SH3D21: variants seen among roughly 807,000 people sequenced by gnomAD.
SH3D21 encodes SH3 domain-containing protein 21.
In SH3D21, 83 loss-of-function variants were observed where a neutral mutation model predicts 82.1. The ratio of observed to expected loss-of-function variants is 1.01; its 90% CI spans 0.85 to 1.21. The LOEUF (loss-of-function observed/expected upper bound fraction) is 1.21. SH3D21 is among the 50% of genes most tolerant of loss of function. SH3D21 has a pLI of 0.00. For synonymous variants in SH3D21, 383 were observed against 387.8 expected (o/e 0.99, Z 0.15); for missense variants, 980 against 962.1 (o/e 1.02, Z -0.25).
Position 36,319,861 on chromosome 1 carries a change from G to C in SH3D21, c.1198G>C (p.Gly400Arg). 6.2e-7 allele frequency: 1 copy of C among 1,613,888 alleles called. No individual in the cohort carries two copies. The highest frequency in any genetic ancestry group is 8.5e-7 in the Non-Finnish European group (1 of 1,179,940). ...TCTAGGGGACAAGGCCTCTATCCCA[G>C]GGAACTCCACCTCGGGGAAGATCCC... ...LTLGDKASIPGNSTSGKIPAP... is the reference protein window; with the variant it reads ...LTLGDKASIPRNSTSGKIPAP... The change falls in exon 14 of 16, where the codon GGG becomes CGG. Residue 400 changes from glycine (G) to arginine (R), a missense_variant. Physicochemically the swap from Gly to Arg is moderately radical, Grantham distance 125. Transcript: ENST00000453908.
downstream of SH3D21, chr1:36,322,410 CGCTCCTCCAGCCGCTGCGCCCGCTCCA>C: frequency 6.2e-7 from 1 of 1,600,864 alleles, no homozygotes; most frequent in African/African-American, 1.3e-5. Flanking sequence ...GATCCGTTCG[CGCTCCTCCAGCCGCTGCGCCCGCTCCA>C]GCTCCTCCGC....
At position 36,307,349 on chromosome 1, in the gene SH3D21, G is replaced by A; in HGVS notation, c.345+64G>A. The stretch of plus-strand genomic sequence containing the variant: ...ATGGAACGCGCCTCCCTAGTGAGCG[G>A]GGTGGGAAGTGAGGGTGTGGACGGT... On this transcript the variant is annotated intron_variant, in intron 4 of 15. Transcript: ENST00000453908. The surrounding 1 kb of genome is among the most constrained non-coding windows in gnomAD (Gnocchi z 5.4). The A allele has an allele frequency of 2.6e-6, 4 of 1,542,850 alleles. No individual in the cohort carries two copies. Among genetic ancestry groups the A allele is most frequent in the Non-Finnish European group, 3.5e-6 (4 of 1,139,982 alleles).
chr1:36,319,553 ATGGGAGAG>A lies in SH3D21; in HGVS notation c.1011+22_1011+29del. On this transcript the variant is annotated intron_variant, in intron 13 of 15. Coordinates refer to ENST00000453908, the MANE Select transcript of SH3D21 (RefSeq NM_001162530.2). ...TCCAGTCAGGTGAGGGGCGGGAGAC[ATGGGAGAG>A]TGGGGATGCTGGGCAGAGGCTGGTT... is the stretch of plus-strand genomic sequence containing the variant. 6.4e-7 allele frequency: 1 copy of A among 1,551,662 alleles called. No individual in the cohort carries two copies. Among genetic ancestry groups the A allele is most frequent in the East Asian group, 2.4e-5 (1 of 40,918 alleles).
downstream of SH3D21, among the ~76,000 whole-genome samples, chr1:36,326,467 G>A (rs1646546747): frequency 6.6e-6 from 1 of 152,156 alleles, no homozygotes; most frequent in Non-Finnish European, 1.5e-5. Flanking sequence ...CTGACCTCAG[G>A]TGATCTGCCC....
chr1:36,323,074 G>C (rs1239695553), downstream of SH3D21: 14 of 1,591,388 alleles, frequency 8.8e-6, no homozygotes, highest in East Asian at 2.3e-5. Flanking sequence ...CAGCCTGCGA[G>C]GTCAGCAAAG....
chr1:36,306,802 C>G lies in SH3D21; in HGVS notation c.163-40C>G. 1 of 1,292,522 alleles carries G rather than the reference C, an allele frequency of 7.7e-7. No individual in the cohort carries two copies. 80.1% of individuals were successfully genotyped at this position (1,292,522 alleles called of 1,614,324 possible). A position where few individuals can be genotyped will look rare whatever the true frequency, so the allele number is the denominator to read the frequency against. ...GCTGTGGGGTCTCAGCGCGCGCCCC[C>G]CGGGAGCTGAGAGCGCCTTCCCCGT... On this transcript the variant is annotated intron_variant, in intron 2 of 15. Coordinates refer to ENST00000453908, the MANE Select transcript of SH3D21 (RefSeq NM_001162530.2). The surrounding 1 kb of genome is among the most constrained non-coding windows in gnomAD (Gnocchi z 4.5).
downstream of SH3D21, among the ~76,000 whole-genome samples, chr1:36,325,992 G>A (rs1005554377): frequency 7.2e-5 from 11 of 152,202 alleles, no homozygotes; most frequent in East Asian, 3.8e-4. Flanking sequence ...AGGGTAATGC[G>A]ATGGACAACA....
At chr1:36,319,047 A>G in intron 10 of SH3D21, 24 bp from the exon 11 acceptor site, 2 of 1,370,672 alleles carry the variant, frequency 1.5e-6, no homozygotes, top group Non-Finnish European at 2.0e-6. Flanking sequence ...CAGATGGATG[A>G]GTGCTCCACT....
downstream of SH3D21, chr1:36,321,885 G>A (rs1646469990): frequency 9.6e-7 from 1 of 1,045,066 alleles, no homozygotes; most frequent in Non-Finnish European, 1.1e-6. This position sits in a 1 kb window ranked among gnomAD's most constrained non-coding sequence, Gnocchi z 6.1. Context: ...AAGTGAATGC[G>A]GGCAGGTGTG....
chr1:36,307,101 G>C lies in SH3D21; in HGVS notation c.227-66G>C. On this transcript the variant is annotated intron_variant, in intron 3 of 15. Coordinates refer to ENST00000453908, the MANE Select transcript of SH3D21 (RefSeq NM_001162530.2). This position sits in a 1 kb window ranked among gnomAD's most constrained non-coding sequence, Gnocchi z 5.4. ...GGACCAAAGGCTACGTGCGCGCCTT[G>C]CGCTTCCCCCAGCTCCTCTGACTGG... is the stretch of plus-strand genomic sequence containing the variant. 6.5e-7 allele frequency: 1 copy of C among 1,543,136 alleles called. No homozygotes were observed. The highest frequency in any genetic ancestry group is 8.8e-7 in the Non-Finnish European group (1 of 1,142,142).
chr1:36,309,430 C>G (rs993256554), intron 9 of SH3D21, 118 bp from the exon 10 acceptor site: 4 of 1,186,722 alleles, frequency 3.4e-6, no homozygotes, highest in Non-Finnish European at 4.7e-6. Flanking sequence ...CTTCTGTCCT[C>G]AAGTGATCCA....
downstream of SH3D21, chr1:36,321,462 G>T: frequency 9.5e-7 from 1 of 1,053,584 alleles, no homozygotes. This position sits in a 1 kb window ranked among gnomAD's most constrained non-coding sequence, Gnocchi z 6.1. Context: ...GGCCCAGGCG[G>T]GGTCGGGCTC....
At chr1:36,308,622 C>T (rs1029149049) in intron 9 of SH3D21, 147 bp downstream of exon 9, 51 of 639,796 alleles carry the variant, frequency 8.0e-5, no homozygotes, top group South Asian at 4.2e-4. Flanking sequence ...ATTCTAATAC[C>T]GGTTGAGTAT....
chr1:36,321,859 T>G (rs1646469689), downstream of SH3D21: 1 of 1,024,944 alleles, frequency 9.8e-7, no homozygotes, highest in East Asian at 9.8e-5. This position sits in a 1 kb window ranked among gnomAD's most constrained non-coding sequence, Gnocchi z 6.1. Context: ...GGGCTTCTGC[T>G]TTTCTGCTGG....
At chr1:36,310,040 C>T (rs530625768) in intron 10 of SH3D21, among the ~76,000 whole-genome samples, 1 of 152,162 alleles carries the variant, frequency 6.6e-6, no homozygotes, top group East Asian at 1.9e-4. Context: ...CTGCAAGCTC[C>T]ACCTCCTGGG....
At position 36,306,879 on chromosome 1, in the gene SH3D21, G is replaced by A. The variant is rs561191354; in HGVS notation, c.200G>A (p.Arg67Gln). The A allele has an allele frequency of 1.7e-5, 22 of 1,303,500 alleles. No homozygotes were observed. The South Asian group carries it at 2.2e-4, about 13-fold the overall frequency. 80.7% of individuals were successfully genotyped at this position (1,303,500 alleles called of 1,614,324 possible). Reference sequence around the variant, plus strand: ...ACCCTGCGGGGCTCCGGAGAGGCGCGGAGGCCGCGCTGTGCGCGCCGCCGA... The same window carrying A: ...ACCCTGCGGGGCTCCGGAGAGGCGCAGAGGCCGCGCTGTGCGCGCCGCCGA... ...PETLRGSGEA[R>Q]RPRCARRRGH... Residue 67 changes from arginine to glutamine, a missense_variant, in exon 3 of 16, where the codon CGG (arginine) becomes CAG (glutamine). Arg to Gln is a conservative substitution (Grantham distance 43, BLOSUM62 1). Coordinates refer to ENST00000453908, the MANE Select transcript of SH3D21 (RefSeq NM_001162530.2). This position sits in a 1 kb window ranked among gnomAD's most constrained non-coding sequence, Gnocchi z 4.5.
At chr1:36,314,780 A>G (rs1004872472) in intron 10 of SH3D21, among the ~76,000 whole-genome samples, 2 of 152,046 alleles carry the variant, frequency 1.3e-5, no homozygotes, top group South Asian at 4.1e-4. Context: ...GATGTACAAA[A>G]GTTTTAAATT....
Position 36,306,859 on chromosome 1 carries a change from G to T in SH3D21, c.180G>T (p.Leu60=). Residue 60 remains leucine (L), a synonymous_variant, in exon 3 of 16, where the codon CTG becomes CTT. Coordinates refer to ENST00000453908, the MANE Select transcript of SH3D21 (RefSeq NM_001162530.2). This position sits in a 1 kb window ranked among gnomAD's most constrained non-coding sequence, Gnocchi z 4.5. The stretch of plus-strand genomic sequence containing the variant: ...ATTCCCAGGAGATCCCAGAGACCCT[G>T]CGGGGCTCCGGAGAGGCGCGGAGGC... The part of the protein sequence containing the change: ...ERLVQEIPET[L]RGSGEARRPR... 1 of 1,297,994 alleles carries T rather than the reference G, an allele frequency of 7.7e-7. No individual in the cohort carries two copies. The allele number at this position is 1,297,994 out of a possible 1,614,324, so 80.4% of individuals were successfully genotyped here.
rs1252281633 is a variant in SH3D21 at position 36,307,543 on chromosome 1, G to A, written c.372G>A (p.Lys124=). Residue 124 remains lysine (K), a synonymous_variant, in exon 5 of 16, where the codon AAG becomes AAA. Transcript: ENST00000453908. This position sits in a 1 kb window ranked among gnomAD's most constrained non-coding sequence, Gnocchi z 5.4. ...KEIEDGWWLG[K]KNGQLGAFPS... ...TTGAGGACGGCTGGTGGCTGGGGAAGAAGAACGGGCAGCTGGGAGCCTTCC... is the reference window on the plus strand; with the variant it reads ...TTGAGGACGGCTGGTGGCTGGGGAAAAAGAACGGGCAGCTGGGAGCCTTCC... The A allele has an allele frequency of 3.2e-6, 5 of 1,551,666 alleles. No homozygotes were observed. In the Admixed American group the frequency reaches 9.8e-5, roughly 30 times the overall value.
Sources: allele counts gnomAD v4.1 joint callset (sites outside exome capture counted in the v4.1 genomes callset), GRCh38; gene constraint gnomAD v4.1.1; non-coding constraint Gnocchi (gnomAD v3.1); transcripts MANE v1.5; gene names NCBI Gene and HGNC (gene_info 2026-07-23, HGNC 2026-07-21).